Variants in CFAP61 observed in about 807,000 individuals in gnomAD.
The protein encoded by CFAP61 is cilia- and flagella-associated protein 61.
In CFAP61, 107 loss-of-function variants were observed where a neutral mutation model predicts 135.6. The observed-to-expected ratio is 0.79, with a 90% CI of 0.67 to 0.93. The LOEUF (loss-of-function observed/expected upper bound fraction) is 0.93, where lower values mean the gene tolerates loss of function less well. CFAP61 is among the 40% of genes least tolerant of loss of function. CFAP61 has a pLI of 0.00. For synonymous variants in CFAP61, 575 were observed against 578.5 expected (o/e 0.99, Z 0.09); for missense variants, 1,507 against 1,556.2 (o/e 0.97, Z 0.53).
At chr20:20,056,109 CTGGT>C in intron 1 of CFAP61, 11 of 867,570 alleles carry the variant, frequency 1.3e-5, no homozygotes, top group Non-Finnish European at 1.7e-5. Flanking sequence ...GTTAATGGGC[CTGGT>C]GGCCCTTCAG....
chr20:20,106,931 G>A (rs945002520), intron 8 of CFAP61, among the ~76,000 whole-genome samples: 5 of 152,286 alleles, frequency 3.3e-5, no homozygotes, highest in African/African-American at 1.2e-4. Flanking sequence ...TGGCTATTAC[G>A]CTATATGGAG....
intron 25 of CFAP61, among the ~76,000 whole-genome samples, chr20:20,327,458 C>G (rs2057794402): frequency 6.6e-6 from 1 of 151,998 alleles, no homozygotes; most frequent in South Asian, 2.1e-4. Flanking sequence ...TTTCTTCCCT[C>G]AGAAAAATTA....
intron 5 of CFAP61, 93 bp downstream of exon 5, chr20:20,075,349 T>G: frequency 6.8e-7 from 1 of 1,467,102 alleles, no homozygotes. Context: ...ATAAGAGTGG[T>G]CTCCAGGTCC....
chr20:20,235,849 G>A (rs2049546570), intron 18 of CFAP61, among the ~76,000 whole-genome samples: 1 of 152,172 alleles, frequency 6.6e-6, no homozygotes, highest in African/African-American at 2.4e-5. Context: ...GGTGACAGGT[G>A]GTCCTCGTTG....
At chr20:20,158,910 G>A (rs6136955) in intron 9 of CFAP61, among the ~76,000 whole-genome samples, 4 of 152,098 alleles carry the variant, frequency 2.6e-5, no homozygotes, top group African/African-American at 9.7e-5. Context: ...AATTCTATTA[G>A]GTTGGCACAA....
intron 6 of CFAP61, among the ~76,000 whole-genome samples, chr20:20,088,114 C>T (rs1310195703): frequency 6.6e-6 from 1 of 152,180 alleles, no homozygotes; most frequent in Non-Finnish European, 1.5e-5. Flanking sequence ...TTCTGGCTTC[C>T]TGTTTTAGCC....
At chr20:20,062,407 A>T (rs1185143222) in intron 2 of CFAP61, among the ~76,000 whole-genome samples, 1 of 152,220 alleles carries the variant, frequency 6.6e-6, no homozygotes, top group Non-Finnish European at 1.5e-5. Context: ...ATAACCTTAA[A>T]TGCTTATAAC....
chr20:20,330,417 C>T (rs1430913255), intron 25 of CFAP61, among the ~76,000 whole-genome samples: 2 of 152,110 alleles, frequency 1.3e-5, no homozygotes, highest in African/African-American at 2.4e-5. Context: ...CTCACTGCAA[C>T]CTCTGCCTCC....
At chr20:20,240,981 T>A (rs1360120914) in intron 18 of CFAP61, among the ~76,000 whole-genome samples, 1 of 152,138 alleles carries the variant, frequency 6.6e-6, no homozygotes, top group East Asian at 1.9e-4. Flanking sequence ...GAGAAGCAGG[T>A]CATGGGCCCA....
At chr20:20,139,487 A>G (rs1355659268) in intron 8 of CFAP61, among the ~76,000 whole-genome samples, 1 of 152,248 alleles carries the variant, frequency 6.6e-6, no homozygotes, top group Non-Finnish European at 1.5e-5. Flanking sequence ...AATAACAATT[A>G]AATCGCGCAG....
At chr20:20,162,891 T>TA (rs2053518693) in intron 10 of CFAP61, among the ~76,000 whole-genome samples, 1 of 152,156 alleles carries the variant, frequency 6.6e-6, no homozygotes, top group Admixed American at 6.5e-5. Flanking sequence ...TGTAAATACT[T>TA]ACGGATTTAA....
At chr20:20,289,032 A>G (rs1219620131) in intron 23 of CFAP61, 96 bp downstream of exon 23, 2 of 932,000 alleles carry the variant, frequency 2.1e-6, no homozygotes, top group Non-Finnish European at 1.6e-6. Context: ...GGCTTGGGGA[A>G]AAGGCTCCTC....
At chr20:20,202,311 A>G (rs16981682) in intron 17 of CFAP61, among the ~76,000 whole-genome samples, 13,155 of 152,218 alleles carry the variant, frequency 0.086, 734 homozygotes, top group Middle Eastern at 0.15. Flanking sequence ...TATTGTGCTT[A>G]TTTCACAGGT....
chr20:20,358,157 G>T (rs2059335503), intron 26 of CFAP61, among the ~76,000 whole-genome samples: 1 of 147,522 alleles, frequency 6.8e-6, no homozygotes, highest in South Asian at 2.2e-4. Flanking sequence ...GTCACACTGA[G>T]GGGAGGTGGT....
At chr20:20,121,134 T>G in intron 8 of CFAP61, among the ~76,000 whole-genome samples, 1 of 140,678 alleles carries the variant, frequency 7.1e-6, no homozygotes, top group African/African-American at 2.6e-5. Flanking sequence ...TGAGACAGGG[T>G]CTCCCTCTGT....
chr20:20,075,886 C>T (rs970315669), intron 6 of CFAP61, among the ~76,000 whole-genome samples: 1 of 152,144 alleles, frequency 6.6e-6, no homozygotes, highest in African/African-American at 2.4e-5. Context: ...CTAGGTCCCA[C>T]ACCAGTAAGA....
intron 17 of CFAP61, among the ~76,000 whole-genome samples, chr20:20,209,808 G>T (rs1408290822): frequency 6.6e-6 from 1 of 152,164 alleles, no homozygotes; most frequent in Non-Finnish European, 1.5e-5. Context: ...CGTGGCAGGC[G>T]GGGAGGAGGC....
At chr20:20,188,362 G>A (rs1324297033) in intron 14 of CFAP61, among the ~76,000 whole-genome samples, 2 of 152,174 alleles carry the variant, frequency 1.3e-5, no homozygotes, top group African/African-American at 4.8e-5. Flanking sequence ...TTTGGGATAG[G>A]TAGATACAGT....
intron 6 of CFAP61, among the ~76,000 whole-genome samples, chr20:20,076,065 G>A (rs2046029737): frequency 6.6e-6 from 1 of 152,144 alleles, no homozygotes; most frequent in Admixed American, 6.5e-5. Context: ...CAGTCTTAGG[G>A]AGATGGCTGT....
Sources: gnomAD v4.1 joint callset for allele counts (sites outside exome capture counted in the v4.1 genomes callset) on GRCh38, gnomAD v4.1.1 for gene constraint, MANE v1.5 for transcripts, NCBI Gene and HGNC (gene_info 2026-07-23, HGNC 2026-07-21) for gene names.